The following AFAP1L2 variants were observed in gnomAD, a reference collection of about 807,000 sequenced individuals.
AFAP1L2 encodes the protein actin filament-associated protein 1-like 2.
A neutral mutation model predicts 99.3 loss-of-function variants in AFAP1L2; 46 were observed. The ratio of observed to expected loss-of-function variants is 0.46; its 90% CI spans 0.37 to 0.59. The LOEUF is 0.59. Ranked by LOEUF, AFAP1L2 falls within the 20% of genes least tolerant of loss-of-function variation. AFAP1L2 has a pLI of 0.00. For synonymous variants in AFAP1L2, 397 were observed against 419.1 expected, an observed-to-expected ratio of 0.95 and a Z score of 0.64; for missense variants, 959 against 1,034.9, an observed-to-expected ratio of 0.93 and a Z score of 1.01.
At position 114,326,104 on chromosome 10, in the gene AFAP1L2, T is replaced by C. The variant is rs2046249977; in HGVS notation, c.316-2843A>G. On this transcript the variant is annotated intron_variant, in intron 4 of 18. Coordinates refer to ENST00000304129, the MANE Select transcript of AFAP1L2 (RefSeq NM_001001936.3). The stretch of plus-strand genomic sequence containing the variant: ...TGCAGGAGCTCCCCATGGGTCATCA[T>C]CACCACAGGGTCTGTCCCTGGGGGC... The C allele has an allele frequency of 9.7e-6, 12 of 1,231,604 alleles. No individual in the cohort carries two copies. The South Asian group carries it at 1.6e-4, about 16-fold the overall frequency. The allele number at this position is 1,231,604 out of a possible 1,614,324, so 76.3% of individuals were successfully genotyped here. A position where few individuals can be genotyped will look rare whatever the true frequency, so the allele number is the denominator to read the frequency against.
Position 114,295,125 on chromosome 10 carries a change from TTCTTGG to T in AFAP1L2, c.*911_*916del. 1 of 985,722 alleles carries T rather than the reference TTCTTGG, an allele frequency of 1.0e-6. No homozygotes were observed. The highest frequency in any genetic ancestry group is 4.7e-5 in the South Asian group (1 of 21,274). The allele number at this position is 985,722 out of a possible 1,614,324, so 61.1% of individuals were successfully genotyped here. ...ACCCTAACCAAAAATCACCACTTTG[TTCTTGG>T]AAGGAGAATGAACATTAAACAGAAC... On this transcript the variant is annotated 3_prime_UTR_variant, in exon 19 of 19. Coordinates refer to ENST00000304129, the MANE Select transcript of AFAP1L2 (RefSeq NM_001001936.3).
At chr10:114,307,949 G>A in intron 9 of AFAP1L2, 40 bp from the exon 10 acceptor site, 1 of 1,570,788 alleles carries the variant, frequency 6.4e-7, no homozygotes, top group Non-Finnish European at 8.8e-7. Context: ...ATTGCACGTG[G>A]TCCACCCACG....
intron 1 of AFAP1L2, among the ~76,000 whole-genome samples, chr10:114,345,812 ACT>A (rs1264716490): frequency 7.2e-5 from 11 of 152,184 alleles, no homozygotes; most frequent in Non-Finnish European, 1.6e-4. Flanking sequence ...GAAAGAGTGG[ACT>A]GGAGACATGA....
chr10:114,306,159 C>G (rs77334171), intron 10 of AFAP1L2, among the ~76,000 whole-genome samples: 50,915 of 51,012 alleles, frequency 1, 25,412 homozygotes, highest in Middle Eastern at 1. Context: ...GGCTGCAGGA[C>G]GGGATGGGGC....
chr10:114,403,848 C>A (rs1474053661), intron 1 of AFAP1L2, among the ~76,000 whole-genome samples: 1 of 152,192 alleles, frequency 6.6e-6, no homozygotes, highest in Non-Finnish European at 1.5e-5. Context: ...CCCCGACCCT[C>A]GCATCCCTCC....
chr10:114,376,286 G>A (rs2054786987), intron 1 of AFAP1L2, among the ~76,000 whole-genome samples: 2 of 152,172 alleles, frequency 1.3e-5, no homozygotes, highest in Admixed American at 1.3e-4. Context: ...CAGACCTTGT[G>A]CTCGGATCCA....
chr10:114,300,637 TTC>T lies in AFAP1L2; in HGVS notation c.1594_1595del (p.Glu532IlefsTer2), dbSNP rs1046366229. On this transcript the variant is annotated frameshift_variant, in exon 14 of 19. Transcript: ENST00000304129. LOFTEE classifies it high-confidence loss of function. ...TPVADDPNERESDRVYLDLTP... is the reference protein window; with the variant it reads ...TPVADDPNERXSDRVYLDLTP... The stretch of plus-strand genomic sequence containing the variant: ...TGAGGTCCAGGTACACTCGGTCAGA[TTC>T]TCTCTCATTTGGGTCATCTGCAACA... 10 of 1,612,512 alleles carry T rather than the reference TTC, an allele frequency of 6.2e-6. No homozygotes were observed. Among genetic ancestry groups the T allele is most frequent in the Non-Finnish European group, 2.5e-6 (3 of 1,179,210 alleles).
intron 2 of AFAP1L2, among the ~76,000 whole-genome samples, chr10:114,335,426 CAT>C (rs2047806650): frequency 1.3e-5 from 2 of 152,038 alleles, no homozygotes; most frequent in African/African-American, 4.8e-5. Flanking sequence ...TCCTGGCTAA[CAT>C]GGTGAAACCC....
chr10:114,314,798 A>G (rs914599148), intron 6 of AFAP1L2, among the ~76,000 whole-genome samples: 1 of 89,512 alleles, frequency 1.1e-5, no homozygotes, highest in African/African-American at 2.7e-5. Flanking sequence ...CTAATTCAAA[A>G]TATTGTTGCT....
chr10:114,327,147 T>TATATATATATATATATATATATATA (rs2046408453), intron 4 of AFAP1L2, among the ~76,000 whole-genome samples: 1 of 54,572 alleles, frequency 1.8e-5, no homozygotes, highest in Non-Finnish European at 4.9e-5. Flanking sequence ...TTATATATAT[T>TATATATATATATATATATATATATA]TATATATATA....
In AFAP1L2 at chr10:114,314,058, G is replaced by A. The variant is rs774559445; in HGVS notation, c.613-8C>T. On this transcript the variant is annotated splice_region_variant and splice_polypyrimidine_tract_variant and intron_variant, in intron 6 of 18. Transcript: ENST00000304129. ...CTTGGAGGATTTGTAGCACTGGAAG[G>A]AAAGAGAGAAGATACACCACTTTGC... 1.1e-5 allele frequency: 18 copies of A among 1,606,540 alleles called. No homozygotes were observed. In the Admixed American group the frequency reaches 2.8e-4, roughly 25 times the overall value.
At chr10:114,291,219 A>T (rs772761997), downstream of AFAP1L2, 18 of 1,550,400 alleles carry the variant, frequency 1.2e-5, no homozygotes, top group Non-Finnish European at 1.6e-5. Context: ...CTTCCCCAGG[A>T]TTCTTGAGAC....
intron 11 of AFAP1L2, 110 bp downstream of exon 11, chr10:114,304,609 G>A: frequency 1.8e-6 from 2 of 1,082,834 alleles, no homozygotes; most frequent in Non-Finnish European, 1.3e-6. Flanking sequence ...AAAATAACAC[G>A]CGGGGACATT....
the AFAP1L2 span, chr10:114,286,601 T>C: frequency 8.5e-7 from 1 of 1,170,888 alleles, no homozygotes; most frequent in South Asian, 1.6e-5. Context: ...TTTCTGCCAG[T>C]GCCTCTTCTA....
At chr10:114,284,676 C>T in the AFAP1L2 span, among the ~76,000 whole-genome samples, 3 of 152,206 alleles carry the variant, frequency 2.0e-5, no homozygotes, top group African/African-American at 7.2e-5. Context: ...CACCCGTGCC[C>T]AGCCCCTCCT....
intron 1 of AFAP1L2, among the ~76,000 whole-genome samples, chr10:114,341,178 G>A (rs1296466282): frequency 1.3e-5 from 2 of 152,186 alleles, no homozygotes; most frequent in Non-Finnish European, 2.9e-5. Context: ...GGTGGCTTTG[G>A]GCCCATTTAC....
chr10:114,286,357 G>A, the AFAP1L2 span: 5 of 1,613,794 alleles, frequency 3.1e-6, no homozygotes, highest in Non-Finnish European at 4.2e-6. Context: ...GGGCGCGAGA[G>A]CTGCTCCTGC....
At chr10:114,352,106 A>G (rs911476219) in intron 1 of AFAP1L2, among the ~76,000 whole-genome samples, 2 of 152,186 alleles carry the variant, frequency 1.3e-5, no homozygotes, top group African/African-American at 2.4e-5. Context: ...TCCTCTTATA[A>G]GAGTGGTAGA....
At position 114,304,766 on chromosome 10, in the gene AFAP1L2, A is replaced by G. The variant is rs1368643391; in HGVS notation, c.1237T>C (p.Tyr413His). The change falls in exon 11 of 19, where the codon TAC becomes CAC. Residue 413 changes from tyrosine (Y) to histidine (H), a missense_variant. Tyr to His is a moderately conservative substitution (Grantham distance 83). Transcript: ENST00000304129. ...VVPDPSPDHL[Y>H]SFRILHKGEE... ...CCCTTGTGGAGGATGCGGAAGGAGT[A>G]GAGGTGGTCGGGGCTGGGGTCTGGG... The G allele has an allele frequency of 1.2e-6, 2 of 1,612,766 alleles. No individual in the cohort carries two copies. The highest frequency in any genetic ancestry group is 1.7e-6 in the Non-Finnish European group (2 of 1,179,974).
Sources: gnomAD v4.1 joint callset for allele counts (sites outside exome capture counted in the v4.1 genomes callset) on GRCh38, gnomAD v4.1.1 for gene constraint, MANE v1.5 for transcripts, NCBI Gene and HGNC (gene_info 2026-07-23, HGNC 2026-07-21) for gene names.